GPBP1L1: variants seen among roughly 807,000 people sequenced by gnomAD.
The protein encoded by GPBP1L1 is vasculin-like protein 1.
In GPBP1L1, 23 loss-of-function variants were observed where a neutral mutation model predicts 52.5. That is an observed-to-expected ratio of 0.44 (90% CI 0.32 to 0.62). GPBP1L1 has a LOEUF of 0.62. Ranked by LOEUF, GPBP1L1 falls within the 20% of genes least tolerant of loss-of-function variation. The pLI, the probability that GPBP1L1 is intolerant of heterozygous loss-of-function variation, is 0.06. For missense variants in GPBP1L1, 596 were observed against 579.3 expected (o/e 1.03, Z -0.30); for synonymous variants, 243 against 203.1 (o/e 1.20, Z -1.67).
Position 45,666,932 on chromosome 1 carries a change from G to C in GPBP1L1, c.-1097-5707C>G, listed in dbSNP as rs75884794. On this transcript the variant is annotated intron_variant, in intron 2 of 12. Transcript: ENST00000355105. The stretch of plus-strand genomic sequence containing the variant: ...GAACCATGAAAATATTACGTTAAAT[G>C]AAAGAAGGCAGACACAAAAACTGTA... Among the ~76,000 whole-genome samples the C allele has an allele frequency of 5.5e-4, 84 of 152,294 alleles. No homozygotes were observed. The East Asian group carries it at 0.013, about 24-fold the overall frequency.
Position 45,660,243 on chromosome 1 carries a change from A to C in GPBP1L1, c.-115T>G. Reference sequence around the variant, plus strand: ...CTCGAGTCGGCCAGCTGGATCTCCCACAAGGTTTCCTTGTTAAAAGGGTGC... The same window carrying C: ...CTCGAGTCGGCCAGCTGGATCTCCCCCAAGGTTTCCTTGTTAAAAGGGTGC... On this transcript the variant is annotated 5_prime_UTR_variant, in exon 3 of 13. Coordinates refer to ENST00000355105, the MANE Select transcript of GPBP1L1 (RefSeq NM_021639.5). 2.0e-6 allele frequency: 2 copies of C among 985,276 alleles called. No individual in the cohort carries two copies. The highest frequency in any genetic ancestry group is 4.7e-5 in the South Asian group (1 of 21,268). The allele number at this position is 985,276 out of a possible 1,614,324, so 61.0% of individuals were successfully genotyped here. A position where few individuals can be genotyped will look rare whatever the true frequency, so the allele number is the denominator to read the frequency against.
At position 45,627,642 on chromosome 1, in the gene GPBP1L1, C is replaced by T. The variant is rs1644471934; in HGVS notation, c.*614G>A. The T allele has an allele frequency of 6.6e-6, 1 of 151,984 alleles. No homozygotes were observed. The highest frequency in any genetic ancestry group is 2.1e-4 in the South Asian group (1 of 4,806). The allele number at this position is 151,984 out of a possible 1,614,324, so 9.4% of individuals were successfully genotyped here. On this transcript the variant is annotated 3_prime_UTR_variant, in exon 13 of 13. Transcript: ENST00000355105. ...CTCACAAAAATTTATATTTTACAAT[C>T]CACCCTGAATATCAAGGCTGCAAGA...
rs201193544 is a variant in GPBP1L1 at position 45,630,737 on chromosome 1, T to C, written c.1045-131A>G. ...GACAGCCTCAGCCCACAGATTTTTT[T>C]CCCCATTTACAAATGAGGACCTGCT... On this transcript the variant is annotated intron_variant, in intron 10 of 12. Transcript: ENST00000355105. 135 of 1,008,222 alleles carry C rather than the reference T, an allele frequency of 1.3e-4. 1 individual carries two copies. The highest frequency in any genetic ancestry group is 1.8e-4 in the Non-Finnish European group (125 of 701,014). 62.5% of individuals were successfully genotyped at this position (1,008,222 alleles called of 1,614,324 possible).
chr1:45,638,589 A>ATATC (rs1334697325), intron 8 of GPBP1L1, among the ~76,000 whole-genome samples: 2 of 152,068 alleles, frequency 1.3e-5, no homozygotes, highest in African/African-American at 4.8e-5. Context: ...CTTCTCTTGT[A>ATATC]TATCTAATCT....
At chr1:45,684,680 C>A (rs1250900840) in intron 2 of GPBP1L1, among the ~76,000 whole-genome samples, 3 of 151,816 alleles carry the variant, frequency 2.0e-5, no homozygotes, top group Admixed American at 6.6e-5. Context: ...ACTGAGTACC[C>A]CCCCAAAAAA....
chr1:45,629,458 C>CTG, intron 12 of GPBP1L1, 118 bp downstream of exon 12: 1 of 126,614 alleles, frequency 7.9e-6, no homozygotes, highest in Non-Finnish European at 1.6e-5. Context: ...AGGTAATCCC[C>CTG]CCCCCCCCCA....
At chr1:45,673,387 G>C (rs534530867) in intron 2 of GPBP1L1, among the ~76,000 whole-genome samples, 1 of 152,308 alleles carries the variant, frequency 6.6e-6, no homozygotes, top group Admixed American at 6.5e-5. Flanking sequence ...CTTCCCAGCA[G>C]AGTAAGGGCC....
At chr1:45,633,687 G>A in intron 9 of GPBP1L1, 40 bp from the exon 10 acceptor site, 1 of 1,601,770 alleles carries the variant, frequency 6.2e-7, no homozygotes, top group Non-Finnish European at 8.5e-7. Flanking sequence ...TGACAGCAAA[G>A]AGCAAGAACT....
At position 45,633,518 on chromosome 1, in the gene GPBP1L1, C is replaced by T. The variant is rs767030425; in HGVS notation, c.1015G>A (p.Glu339Lys). 2 of 1,614,060 alleles carry T rather than the reference C, an allele frequency of 1.2e-6. No individual in the cohort carries two copies. Among genetic ancestry groups the T allele is most frequent in the Non-Finnish European group, 1.7e-6 (2 of 1,180,020 alleles). ...LKDDRNGDFS[E>K]NRDCDKLEDL... Reference sequence around the variant, plus strand: ...TCCAGCTTGTCACAGTCTCTATTCTCTGAGAAGTCTCCATTCCGGTCATCC... The same window carrying T: ...TCCAGCTTGTCACAGTCTCTATTCTTTGAGAAGTCTCCATTCCGGTCATCC... Residue 339 changes from glutamate (E) to lysine (K), a missense_variant, in exon 10 of 13, where the codon GAG becomes AAG. Physicochemically the swap from Glu to Lys is moderately conservative, Grantham distance 56 (BLOSUM62 1). Coordinates refer to ENST00000355105, the MANE Select transcript of GPBP1L1 (RefSeq NM_021639.5).
intron 2 of GPBP1L1, among the ~76,000 whole-genome samples, chr1:45,676,545 CT>C (rs1246015010): frequency 2.6e-5 from 4 of 151,602 alleles, no homozygotes; most frequent in South Asian, 2.1e-4. Flanking sequence ...CCTTTCTCTA[CT>C]AAAAATACAA....
chr1:45,680,815 T>C (rs1399241712), intron 2 of GPBP1L1, among the ~76,000 whole-genome samples: 3 of 137,462 alleles, frequency 2.2e-5, no homozygotes, highest in Non-Finnish European at 4.9e-5. Flanking sequence ...TGTTGTTCCC[T>C]GCAAAAAGAA....
chr1:45,681,697 A>G (rs1645214353), intron 2 of GPBP1L1, among the ~76,000 whole-genome samples: 1 of 152,254 alleles, frequency 6.6e-6, no homozygotes, highest in East Asian at 1.9e-4. Context: ...ATTATTTATT[A>G]CAACAACCCT....
At chr1:45,636,378 A>G (rs986336641) in intron 8 of GPBP1L1, among the ~76,000 whole-genome samples, 3 of 152,190 alleles carry the variant, frequency 2.0e-5, no homozygotes, top group East Asian at 3.8e-4. Context: ...GCAATTACTT[A>G]TAACTGTTTC....
intron 7 of GPBP1L1, among the ~76,000 whole-genome samples, chr1:45,641,457 C>T (rs1644671696): frequency 6.7e-6 from 1 of 149,382 alleles, no homozygotes. Context: ...CACACATACA[C>T]ATAAACACAC....
chr1:45,664,845 A>C (rs1478045973), intron 2 of GPBP1L1, among the ~76,000 whole-genome samples: 1 of 151,920 alleles, frequency 6.6e-6, no homozygotes, highest in Non-Finnish European at 1.5e-5. Context: ...CACCCGGTTA[A>C]TTTTTGTATT....
At chr1:45,637,798 T>C (rs547677579) in intron 8 of GPBP1L1, among the ~76,000 whole-genome samples, 17 of 152,128 alleles carry the variant, frequency 1.1e-4, no homozygotes, top group African/African-American at 4.1e-4. Flanking sequence ...TGCTGGCAGG[T>C]TGGTAACAAT....
At position 45,640,139 on chromosome 1, in the gene GPBP1L1, T is replaced by G. The variant is rs917062237; in HGVS notation, c.744+71A>C. The G allele has an allele frequency of 7.2e-6, 9 of 1,255,702 alleles. No homozygotes were observed. The Admixed American group carries it at 1.9e-4, about 27-fold the overall frequency. 77.8% of individuals were successfully genotyped at this position (1,255,702 alleles called of 1,614,324 possible). A position where few individuals can be genotyped will look rare whatever the true frequency, so the allele number is the denominator to read the frequency against. On this transcript the variant is annotated intron_variant, in intron 8 of 12. Coordinates refer to ENST00000355105, the MANE Select transcript of GPBP1L1 (RefSeq NM_021639.5). ...ACTGATGCGGCAAGAAAAAACAAAT[T>G]TATTAATTTTTTCCTGATTTATTCC...
intron 6 of GPBP1L1, among the ~76,000 whole-genome samples, chr1:45,647,599 CTG>C (rs1437279209): frequency 6.6e-6 from 1 of 152,166 alleles, no homozygotes; most frequent in Non-Finnish European, 1.5e-5. Context: ...CTTCCTGTTC[CTG>C]TGTGTTTTTC....
chr1:45,677,148 C>A lies in GPBP1L1; in HGVS notation c.-1098+8428G>T, dbSNP rs920085564. Among the ~76,000 whole-genome samples the A allele has an allele frequency of 2.8e-4, 43 of 151,962 alleles. No homozygotes were observed. The South Asian group carries it at 3.1e-3, about 11-fold the overall frequency. Reference sequence around the variant, plus strand: ...GTCAGGAGTTTGAGACCAGCTTGGCCAATGTGGTGAAACCCCATCTCTACT... The same window carrying A: ...GTCAGGAGTTTGAGACCAGCTTGGCAAATGTGGTGAAACCCCATCTCTACT... On this transcript the variant is annotated intron_variant, in intron 2 of 12. Coordinates refer to ENST00000355105, the MANE Select transcript of GPBP1L1 (RefSeq NM_021639.5).
Sources: allele counts gnomAD v4.1 joint callset (sites outside exome capture counted in the v4.1 genomes callset), GRCh38; gene constraint gnomAD v4.1.1; transcripts MANE v1.5; gene names NCBI Gene and HGNC (gene_info 2026-07-23, HGNC 2026-07-21).